The following ZNF138 variants were observed in gnomAD, a reference collection of about 807,000 sequenced individuals.
ZNF138 encodes the protein zinc finger protein 138 (clone pHZ-32).
A neutral mutation model predicts 33.0 loss-of-function variants in ZNF138; 33 were observed. That is an observed-to-expected ratio of 1.00 (90% CI 0.76 to 1.34). The LOEUF is 1.34. Among genes scored for constraint, ZNF138 ranks in the 40% most tolerant of loss-of-function variants. The pLI is 0.00. For synonymous variants in ZNF138, 139 were observed against 120.4 expected (o/e 1.15, Z -1.01); for missense variants, 360 against 370.8 (o/e 0.97, Z 0.24).
chr7:64,795,097 C>T (rs1164074943), intron 1 of ZNF138, among the ~76,000 whole-genome samples: 2 of 152,086 alleles, frequency 1.3e-5, no homozygotes, highest in East Asian at 3.9e-4. Flanking sequence ...AAACCAAATT[C>T]AGTAATTGGT....
intron 1 of ZNF138, among the ~76,000 whole-genome samples, chr7:64,813,435 GATTTT>G (rs1466684907): frequency 3.1e-5 from 4 of 130,326 alleles, no homozygotes; most frequent in African/African-American, 5.2e-5. Flanking sequence ...GCATAAAAAT[GATTTT>G]TTTTTTTTTT....
chr7:64,833,149 A>T lies in ZNF138; in HGVS notation c.*947A>T. ...AACTTCTTACACCTAAAATTCATGC[A>T]GGAGAGAAACACCACAAATGTGAAA... is the stretch of plus-strand genomic sequence containing the variant. On this transcript the variant is annotated 3_prime_UTR_variant, in exon 4 of 4. Transcript: ENST00000307355. 1 of 256,824 alleles carries T rather than the reference A, an allele frequency of 3.9e-6. No individual in the cohort carries two copies. The highest frequency in any genetic ancestry group is 4.6e-5 in the South Asian group (1 of 21,508). 15.9% of individuals were successfully genotyped at this position (256,824 alleles called of 1,614,324 possible). A position where few individuals can be genotyped will look rare whatever the true frequency, so the allele number is the denominator to read the frequency against.
At chr7:64,821,227 C>CTACA (rs1219053615) in intron 3 of ZNF138, among the ~76,000 whole-genome samples, 1 of 149,778 alleles carries the variant, frequency 6.7e-6, no homozygotes, top group Non-Finnish European at 1.5e-5. Flanking sequence ...GTAGCTGGGA[C>CTACA]TACAGGCGCT....
downstream of ZNF138, among the ~76,000 whole-genome samples, chr7:64,837,593 A>G (rs4718130): frequency 6.6e-6 from 1 of 152,126 alleles, no homozygotes; most frequent in Non-Finnish European, 1.5e-5. Context: ...AGGTTACCCA[A>G]GATTGGCGCG....
intron 1 of ZNF138, among the ~76,000 whole-genome samples, chr7:64,807,992 G>A (rs531436076): frequency 3.4e-4 from 52 of 152,282 alleles, no homozygotes; most frequent in Middle Eastern, 6.8e-3. Context: ...GGTGATCCAG[G>A]TTCTGGAGCT....
chr7:64,799,385 AT>A (rs1272129546), intron 1 of ZNF138, among the ~76,000 whole-genome samples: 1 of 152,038 alleles, frequency 6.6e-6, no homozygotes, highest in African/African-American at 2.4e-5. Flanking sequence ...CTGGTCTTGA[AT>A]TCCCAACCTC....
intron 1 of ZNF138, among the ~76,000 whole-genome samples, chr7:64,802,621 A>G (rs1477872127): frequency 6.8e-6 from 1 of 146,900 alleles, no homozygotes; most frequent in Non-Finnish European, 1.5e-5. Context: ...ATGAGAATTT[A>G]TGGTTTGTAG....
the ZNF138 span, among the ~76,000 whole-genome samples, chr7:64,847,901 T>G: frequency 1.3e-5 from 2 of 152,198 alleles, 1 homozygote; most frequent in Non-Finnish European, 2.9e-5. Context: ...GTGTTATTTG[T>G]GGCCTGTATA....
At position 64,833,065 on chromosome 7, in the gene ZNF138, T is replaced by C. The variant is rs938822210; in HGVS notation, c.*863T>C. 4.0e-5 allele frequency: 13 copies of C among 323,270 alleles called. No individual in the cohort carries two copies. Among genetic ancestry groups the C allele is most frequent in the Non-Finnish European group, 5.7e-5 (9 of 158,748 alleles). 20.0% of individuals were successfully genotyped at this position (323,270 alleles called of 1,614,324 possible). A position where few individuals can be genotyped will look rare whatever the true frequency, so the allele number is the denominator to read the frequency against. On this transcript the variant is annotated 3_prime_UTR_variant, in exon 4 of 4. Transcript: ENST00000307355. ...TCAACACTTACTATACATAAGATAA[T>C]TTATACTGGAGCAAAACCTTGGAAA...
In ZNF138 at chr7:64,794,513, A is replaced by G; in HGVS notation, c.-56A>G. ...GAGGCCCAGCCTCTGTGGCGCTGTG[A>G]TCTGGTTATTGGGAGATTCACAGCT... On this transcript the variant is annotated 5_prime_UTR_variant, in exon 1 of 4. Coordinates refer to ENST00000307355, the MANE Select transcript of ZNF138 (RefSeq NM_001271639.2). The G allele has an allele frequency of 6.2e-7, 1 of 1,611,320 alleles. No homozygotes were observed. The highest frequency in any genetic ancestry group is 1.7e-5 in the Admixed American group (1 of 59,934).
chr7:64,833,150 G>T lies in ZNF138; in HGVS notation c.*948G>T. The T allele has an allele frequency of 4.0e-6, 1 of 252,722 alleles. No individual in the cohort carries two copies. The highest frequency in any genetic ancestry group is 4.8e-5 in the South Asian group (1 of 20,876). 15.7% of individuals were successfully genotyped at this position (252,722 alleles called of 1,614,324 possible). ...ACTTCTTACACCTAAAATTCATGCA[G>T]GAGAGAAACACCACAAATGTGAAAA... On this transcript the variant is annotated 3_prime_UTR_variant, in exon 4 of 4. Coordinates refer to ENST00000307355, the MANE Select transcript of ZNF138 (RefSeq NM_001271639.2).
chr7:64,823,899 C>T (rs1789367803), intron 3 of ZNF138, among the ~76,000 whole-genome samples: 1 of 152,168 alleles, frequency 6.6e-6, no homozygotes. Context: ...GATCGTGCCA[C>T]TGCACTCCAG....
the ZNF138 span, among the ~76,000 whole-genome samples, chr7:64,840,091 T>C: frequency 3.3e-5 from 5 of 152,064 alleles, no homozygotes; most frequent in African/African-American, 9.7e-5. Flanking sequence ...AAGGTGAACC[T>C]GGAAATGCTG....
intron 1 of ZNF138, among the ~76,000 whole-genome samples, chr7:64,800,933 G>A (rs544842581): frequency 2.0e-4 from 31 of 152,028 alleles, no homozygotes; most frequent in Admixed American, 1.0e-3. Context: ...TTTCAGGAAT[G>A]TACTATTTCT....
intron 1 of ZNF138, among the ~76,000 whole-genome samples, chr7:64,812,456 A>G (rs1481697611): frequency 6.6e-6 from 1 of 152,126 alleles, no homozygotes; most frequent in Non-Finnish European, 1.5e-5. Context: ...CACTGTGCCC[A>G]GCCTGAGAGT....
chr7:64,803,698 C>A (rs1583786545), intron 1 of ZNF138, among the ~76,000 whole-genome samples: 1 of 152,092 alleles, frequency 6.6e-6, no homozygotes, highest in South Asian at 2.1e-4. Context: ...TTTTTATATT[C>A]ATACATTTGG....
At chr7:64,844,598 TTTTA>T in the ZNF138 span, among the ~76,000 whole-genome samples, 45 of 17,948 alleles carry the variant, frequency 2.5e-3, no homozygotes, top group South Asian at 0.013. Flanking sequence ...CTTTTTAATT[TTTTA>T]TTTTTTTTTA....
the ZNF138 span, chr7:64,853,016 C>A: frequency 6.7e-7 from 1 of 1,494,310 alleles, no homozygotes; most frequent in Non-Finnish European, 9.3e-7. Context: ...TTCTGTGACC[C>A]CCATTGCGTA....
chr7:64,855,045 A>C, the ZNF138 span, among the ~76,000 whole-genome samples: 52 of 152,216 alleles, frequency 3.4e-4, no homozygotes, highest in Non-Finnish European at 5.9e-4. Context: ...GTATGACTAG[A>C]TTCAGTAAGT....
Sources: allele counts gnomAD v4.1 joint callset (sites outside exome capture counted in the v4.1 genomes callset), GRCh38; gene constraint gnomAD v4.1.1; transcripts MANE v1.5; gene names NCBI Gene and HGNC (gene_info 2026-07-23, HGNC 2026-07-21).